ABL2: variants seen among roughly 807,000 people sequenced by gnomAD.
The protein encoded by ABL2 is ABL proto-oncogene 2, non-receptor tyrosine kinase, also known as tyrosine-protein kinase ABL2.
ABL2 carries 49 observed loss-of-function variants against 107.7 expected under a neutral mutation model. The ratio of observed to expected loss-of-function variants is 0.45; its 90% CI spans 0.36 to 0.58. The LOEUF (loss-of-function observed/expected upper bound fraction) is 0.58. Ranked by LOEUF, ABL2 falls within the 20% of genes least tolerant of loss-of-function variation. The pLI is 0.00. For missense variants in ABL2, 1,245 were observed against 1,457.0 expected, an observed-to-expected ratio of 0.85 and a Z score of 2.37; for synonymous variants, 549 against 548.6, an observed-to-expected ratio of 1.00 and a Z score of -0.01.
At chr1:179,134,702 C>T (rs1026954046) in intron 1 of ABL2, among the ~76,000 whole-genome samples, 1 of 130,802 alleles carries the variant, frequency 7.6e-6, no homozygotes, top group Non-Finnish European at 1.7e-5. Flanking sequence ...GTGAAAATTG[C>T]AGCCTCAGCC....
chr1:179,150,809 G>A (rs1233508395), intron 1 of ABL2, among the ~76,000 whole-genome samples: 1 of 151,732 alleles, frequency 6.6e-6, no homozygotes, highest in Non-Finnish European at 1.5e-5. Context: ...AAGTGTCAAC[G>A]GATTTGGTAA....
rs577711367 is a variant in ABL2 at position 179,198,033 on chromosome 1, C to T, written c.157+31208G>A. Among the ~76,000 whole-genome samples the T allele has an allele frequency of 5.3e-5, 8 of 151,666 alleles. No individual in the cohort carries two copies. The East Asian group carries it at 1.2e-3, about 22-fold the overall frequency. ...TACTAAAAATATAAAAATTAGCTGG[C>T]GTGGTGGCACACGTCTATAGTCCCG... On this transcript the variant is annotated intron_variant, in intron 1 of 11. Coordinates refer to ENST00000502732, the MANE Select transcript of ABL2 (RefSeq NM_007314.4).
chr1:179,197,538 G>C (rs1051481600), intron 1 of ABL2, among the ~76,000 whole-genome samples: 3 of 120,482 alleles, frequency 2.5e-5, no homozygotes, highest in Non-Finnish European at 5.1e-5. Context: ...TTTTCTTCCA[G>C]AATACACCTG....
At chr1:179,191,158 A>G (rs1660987340) in intron 1 of ABL2, among the ~76,000 whole-genome samples, 1 of 152,216 alleles carries the variant, frequency 6.6e-6, no homozygotes, top group African/African-American at 2.4e-5. Flanking sequence ...GATGACAGTA[A>G]TGAAATCCTT....
rs1310528672 is a variant in ABL2, at chr1:179,151,534, A to G, written c.158-18160T>C. ...TGTAGGTACAGAATCAATGCTTCCAATGAAGTCAGCAGAGTGCTTTGCTAA... is the reference window on the plus strand; with the variant it reads ...TGTAGGTACAGAATCAATGCTTCCAGTGAAGTCAGCAGAGTGCTTTGCTAA... On this transcript the variant is annotated intron_variant, in intron 1 of 11. Transcript: ENST00000502732. Among the ~76,000 whole-genome samples, 3 of 152,288 alleles carry G rather than the reference A, an allele frequency of 2.0e-5. No homozygotes were observed. The East Asian group carries it at 5.8e-4, about 29-fold the overall frequency.
intron 3 of ABL2, 94 bp downstream of exon 3, chr1:179,131,217 T>C (rs1557936481): frequency 7.2e-7 from 1 of 1,388,608 alleles, no homozygotes; most frequent in African/African-American, 1.5e-5. Context: ...GTGCTGAGAT[T>C]ATAGGTGTGA....
Position 179,108,589 on chromosome 1 carries a change from T to C in ABL2, c.2678A>G (p.Lys893Arg). Reference protein sequence around the residue: ...GVAAAPKGKEKNGGARLGMAG... With the variant: ...GVAAAPKGKERNGGARLGMAG... ...CATCCCAAGTCGTGCCCCACCATTC[T>C]TCTCTTTACCCTTGGGGGCAGCTGC... The change falls in exon 12 of 12, where the codon AAG becomes AGG. Residue 893 changes from lysine (K) to arginine (R), a missense_variant. Lys to Arg is a conservative substitution (Grantham distance 26). Transcript: ENST00000502732. 6.2e-7 allele frequency: 1 copy of C among 1,614,136 alleles called. No individual in the cohort carries two copies. Among genetic ancestry groups the C allele is most frequent in the South Asian group, 1.1e-5 (1 of 91,076 alleles).
At chr1:179,145,959 T>C (rs1657960852) in intron 1 of ABL2, among the ~76,000 whole-genome samples, 1 of 150,904 alleles carries the variant, frequency 6.6e-6, no homozygotes. Context: ...AGTGGCGTGA[T>C]CTTGGCTCAC....
In ABL2 at chr1:179,105,294, G is replaced by C; in HGVS notation, c.*2424C>G. 8.7e-6 allele frequency: 2 copies of C among 231,066 alleles called. No homozygotes were observed. Among genetic ancestry groups the C allele is most frequent in the Non-Finnish European group, 1.7e-5 (2 of 116,810 alleles). The allele number at this position is 231,066 out of a possible 1,614,324, so 14.3% of individuals were successfully genotyped here. A position where few individuals can be genotyped will look rare whatever the true frequency, so the allele number is the denominator to read the frequency against. ...AGGCTTAGTTCCAGAACTCTCAAGG[G>C]AAAATAGAGCCCTTGCTTAAAAAAC... On this transcript the variant is annotated 3_prime_UTR_variant, in exon 12 of 12. Transcript: ENST00000502732.
chr1:179,147,668 C>T (rs1342541794), intron 1 of ABL2, among the ~76,000 whole-genome samples: 1 of 152,130 alleles, frequency 6.6e-6, no homozygotes, highest in Non-Finnish European at 1.5e-5. Context: ...AACAATGGTA[C>T]ACATGGACAT....
chr1:179,226,245 A>G (rs1211492736), intron 1 of ABL2, among the ~76,000 whole-genome samples: 2 of 151,384 alleles, frequency 1.3e-5, no homozygotes, highest in Non-Finnish European at 2.9e-5. Flanking sequence ...AAACTTGTCA[A>G]TAGAATCTTC....
Position 179,099,384 on chromosome 1 carries a change from C to T in ABL2, c.*8334G>A, listed in dbSNP as rs188336333. The T allele has an allele frequency of 9.7e-6, 2 of 206,908 alleles. No homozygotes were observed. Among genetic ancestry groups the T allele is most frequent in the East Asian group, 1.5e-4 (2 of 13,520 alleles). The allele number at this position is 206,908 out of a possible 1,614,324, so 12.8% of individuals were successfully genotyped here. On this transcript the variant is annotated 3_prime_UTR_variant, in exon 12 of 12. Transcript: ENST00000502732. Reference sequence around the variant, plus strand: ...TAAAACAGAACACAACTTGGCAAACCTTGTGAGAAGACAGAGAAAGCAGTC... The same window carrying T: ...TAAAACAGAACACAACTTGGCAAACTTTGTGAGAAGACAGAGAAAGCAGTC...
At chr1:179,196,064 C>T (rs970878753) in intron 1 of ABL2, among the ~76,000 whole-genome samples, 2 of 152,114 alleles carry the variant, frequency 1.3e-5, no homozygotes, top group Admixed American at 6.6e-5. Flanking sequence ...CCGAGGTGGA[C>T]GGATCACTTG....
chr1:179,204,909 A>G (rs1265312313), intron 1 of ABL2, among the ~76,000 whole-genome samples: 2 of 152,184 alleles, frequency 1.3e-5, no homozygotes, highest in South Asian at 2.1e-4. Context: ...AGATAAATGT[A>G]GTTACTAGAT....
intron 1 of ABL2, among the ~76,000 whole-genome samples, chr1:179,134,568 T>C (rs927792290): frequency 6.6e-6 from 1 of 152,174 alleles, no homozygotes; most frequent in Non-Finnish European, 1.5e-5. Flanking sequence ...CCTACTTTCC[T>C]ATACTTACAG....
intron 1 of ABL2, among the ~76,000 whole-genome samples, chr1:179,206,563 A>G (rs1212004426): frequency 2.0e-5 from 3 of 152,120 alleles, no homozygotes; most frequent in Non-Finnish European, 2.9e-5. Flanking sequence ...AACATAAGCT[A>G]TATAATAGCA....
intron 1 of ABL2, among the ~76,000 whole-genome samples, chr1:179,209,846 G>A (rs1271610196): frequency 6.6e-6 from 1 of 152,128 alleles, no homozygotes; most frequent in Non-Finnish European, 1.5e-5. Context: ...CTCTTAAACT[G>A]CAGCCAAACA....
intron 1 of ABL2, among the ~76,000 whole-genome samples, chr1:179,226,061 A>G (rs1571355546): frequency 6.7e-6 from 1 of 149,934 alleles, no homozygotes; most frequent in African/African-American, 2.4e-5. Flanking sequence ...AAAAAAAAAA[A>G]AAAAAAAAAG....
At chr1:179,184,497 A>G in intron 1 of ABL2, 1 of 765,064 alleles carries the variant, frequency 1.3e-6, no homozygotes, top group Non-Finnish European at 2.2e-6. Flanking sequence ...AAAGTTCATC[A>G]AAGATGACAT....
Sources: allele counts gnomAD v4.1 joint callset (sites outside exome capture counted in the v4.1 genomes callset), GRCh38; gene constraint gnomAD v4.1.1; transcripts MANE v1.5; gene names NCBI Gene and HGNC (gene_info 2026-07-23, HGNC 2026-07-21).